CREB3L2: variants seen among roughly 807,000 people sequenced by gnomAD.
The protein encoded by CREB3L2 is cAMP responsive element binding protein 3 like 2.
CREB3L2 carries 23 observed loss-of-function variants against 57.2 expected under a neutral mutation model. The ratio of observed to expected loss-of-function variants is 0.40; its 90% CI spans 0.29 to 0.57. The LOEUF is 0.57. CREB3L2 is among the 20% of genes least tolerant of loss of function. The pLI is 0.42. For synonymous variants in CREB3L2, 268 were observed against 265.1 expected (o/e 1.01, Z -0.11); for missense variants, 628 against 634.7 (o/e 0.99, Z 0.11).
intron 1 of CREB3L2, among the ~76,000 whole-genome samples, chr7:137,960,809 C>CTTTTTTTTTTTTT (rs66493086): frequency 6.3e-5 from 6 of 95,572 alleles, no homozygotes; most frequent in African/African-American, 1.3e-4. Flanking sequence ...TAAATTATTT[C>CTTTTTTTTTTTTT]TTTTTTTTTT....
chr7:137,894,562 G>A (rs1799585930), intron 8 of CREB3L2, among the ~76,000 whole-genome samples: 1 of 152,182 alleles, frequency 6.6e-6, no homozygotes, highest in Non-Finnish European at 1.5e-5. Context: ...TCGGAGAACA[G>A]ATTTGGGGTA....
At chr7:137,885,314 C>T (rs1054294880) in intron 9 of CREB3L2, 89 bp downstream of exon 9, 4 of 1,282,106 alleles carry the variant, frequency 3.1e-6, no homozygotes, top group Middle Eastern at 4.9e-4. Context: ...TCTCCTACAG[C>T]ACAGCACTTG....
intron 1 of CREB3L2, among the ~76,000 whole-genome samples, chr7:137,995,229 A>C (rs1157720648): frequency 2.0e-5 from 3 of 151,918 alleles, no homozygotes; most frequent in Admixed American, 6.6e-5. Context: ...TCCATCACAC[A>C]TCCAACCTGA....
chr7:137,956,074 T>C (rs1271369581), intron 1 of CREB3L2, among the ~76,000 whole-genome samples: 1 of 152,180 alleles, frequency 6.6e-6, no homozygotes, highest in Non-Finnish European at 1.5e-5. Context: ...TGCTGCCACT[T>C]GTGTTACTAG....
At chr7:137,896,629 G>T (rs963299876) in intron 8 of CREB3L2, among the ~76,000 whole-genome samples, 2 of 152,052 alleles carry the variant, frequency 1.3e-5, no homozygotes, top group Non-Finnish European at 2.9e-5. Flanking sequence ...GGAGGTCCCC[G>T]CTACAATTAT....
chr7:137,889,397 T>C (rs1799490571), intron 8 of CREB3L2, among the ~76,000 whole-genome samples: 1 of 152,198 alleles, frequency 6.6e-6, no homozygotes, highest in Admixed American at 6.5e-5. Context: ...GCACTTTGCT[T>C]GGCATTCACG....
chr7:137,885,571 G>A, intron 8 of CREB3L2, 69 bp from the exon 9 acceptor site: 4 of 1,269,934 alleles, frequency 3.1e-6, no homozygotes, highest in East Asian at 2.3e-5. Flanking sequence ...CTCTCCATGT[G>A]ACCCAAGAAG....
intron 9 of CREB3L2, 28 bp downstream of exon 9, chr7:137,885,375 C>G (rs372402784): frequency 1.0e-5 from 16 of 1,587,046 alleles, no homozygotes; most frequent in Non-Finnish European, 1.1e-5. Context: ...CAGGGGCGGT[C>G]ACTGTGCTAC....
At chr7:137,975,989 T>C (rs578068882) in intron 1 of CREB3L2, among the ~76,000 whole-genome samples, 1 of 152,340 alleles carries the variant, frequency 6.6e-6, no homozygotes, top group South Asian at 2.1e-4. Context: ...AATGTTTCTC[T>C]GCTCCAAGAG....
At chr7:137,919,317 G>A (rs1034649679) in intron 2 of CREB3L2, among the ~76,000 whole-genome samples, 2 of 152,088 alleles carry the variant, frequency 1.3e-5, no homozygotes, top group South Asian at 2.1e-4. Flanking sequence ...GATTACAGGC[G>A]TGTGCCACCA....
At chr7:137,942,364 G>C (rs151175026) in intron 1 of CREB3L2, among the ~76,000 whole-genome samples, 3 of 152,142 alleles carry the variant, frequency 2.0e-5, no homozygotes, top group Non-Finnish European at 2.9e-5. Flanking sequence ...GCCCTCAGGC[G>C]GATCTCCCCT....
chr7:137,988,669 C>A (rs1585679557), intron 1 of CREB3L2, among the ~76,000 whole-genome samples: 2 of 152,210 alleles, frequency 1.3e-5, no homozygotes, highest in East Asian at 3.8e-4. Flanking sequence ...AAAGGCTATC[C>A]TTTTGCAAAG....
chr7:137,972,675 C>T (rs1433388315), intron 1 of CREB3L2, among the ~76,000 whole-genome samples: 1 of 57,364 alleles, frequency 1.7e-5, no homozygotes, highest in African/African-American at 8.9e-5. Flanking sequence ...AGTGAGATCC[C>T]CGTCTCTACA....
intron 4 of CREB3L2, among the ~76,000 whole-genome samples, chr7:137,909,873 C>T (rs1799970966): frequency 6.6e-6 from 1 of 152,140 alleles, no homozygotes; most frequent in Admixed American, 6.5e-5. Flanking sequence ...GGGGCAGTTT[C>T]CCCCATACTG....
At chr7:137,926,966 T>C (rs1451353075) in intron 2 of CREB3L2, among the ~76,000 whole-genome samples, 1 of 151,828 alleles carries the variant, frequency 6.6e-6, no homozygotes, top group Non-Finnish European at 1.5e-5. Context: ...CTGGGCAACA[T>C]AGTGAGACCC....
chr7:137,939,444 A>G (rs1045007654), intron 1 of CREB3L2, among the ~76,000 whole-genome samples: 2 of 152,202 alleles, frequency 1.3e-5, no homozygotes, highest in South Asian at 2.1e-4. Flanking sequence ...GAGAAGGGCA[A>G]TCTCCTCATG....
intron 1 of CREB3L2, 127 bp from the exon 2 acceptor site, chr7:137,928,493 T>C (rs1041720960): frequency 2.2e-5 from 17 of 755,674 alleles, no homozygotes; most frequent in South Asian, 1.7e-4. Flanking sequence ...AATGTCCAGT[T>C]AGCTCGTGCT....
intron 1 of CREB3L2, among the ~76,000 whole-genome samples, chr7:137,946,297 C>T (rs931534200): frequency 6.6e-6 from 1 of 151,918 alleles, no homozygotes; most frequent in Non-Finnish European, 1.5e-5. Context: ...CTGAGTTCAT[C>T]AAAACGGAGA....
Position 137,877,638 on chromosome 7 carries a change from T to C in CREB3L2, c.*2838A>G, listed in dbSNP as rs1799187209. The C allele has an allele frequency of 8.9e-6, 2 of 225,636 alleles. No individual in the cohort carries two copies. The highest frequency in any genetic ancestry group is 8.8e-6 in the Non-Finnish European group (1 of 113,500). The allele number at this position is 225,636 out of a possible 1,614,324, so 14.0% of individuals were successfully genotyped here. A position where few individuals can be genotyped will look rare whatever the true frequency, so the allele number is the denominator to read the frequency against. On this transcript the variant is annotated 3_prime_UTR_variant, in exon 12 of 12. Coordinates refer to ENST00000330387, the MANE Select transcript of CREB3L2 (RefSeq NM_194071.4). ...GGAAATGGGAAACTTGTTTACATGA[T>C]GAAAAATATAATTAAGAGATTGACT...
Sources: gnomAD v4.1 joint callset for allele counts (sites outside exome capture counted in the v4.1 genomes callset) on GRCh38, gnomAD v4.1.1 for gene constraint, MANE v1.5 for transcripts, NCBI Gene and HGNC (gene_info 2026-07-23, HGNC 2026-07-21) for gene names.